The following SMARCA2 variants were observed in gnomAD, a reference collection of about 807,000 sequenced individuals.
SMARCA2 encodes the protein SWI/SNF related BAF chromatin remodeling complex subunit ATPase 2.
A neutral mutation model predicts 199.8 loss-of-function variants in SMARCA2; 61 were observed. The ratio of observed to expected loss-of-function variants is 0.31; its 90% CI spans 0.25 to 0.38. The LOEUF is 0.38. Among genes scored for constraint, SMARCA2 ranks in the 10% least tolerant of loss-of-function variants. The probability of loss-of-function intolerance (pLI) is 1.00; values close to 1 mark genes in which losing one functional copy is unlikely to be tolerated. For missense variants in SMARCA2, 1,344 were observed against 2,012.2 expected, an observed-to-expected ratio of 0.67 and a Z score of 6.35; for synonymous variants, 935 against 732.0, an observed-to-expected ratio of 1.28 and a Z score of -4.48.
At chr9:2,185,928 G>A (rs1312778080) in intron 31 of SMARCA2, among the ~76,000 whole-genome samples, 168 bp from the exon 32 acceptor site, 1 of 152,166 alleles carries the variant, frequency 6.6e-6, no homozygotes, top group Non-Finnish European at 1.5e-5. Flanking sequence ...GTGTATGTCT[G>A]TATTTGGGCT....
intron 19 of SMARCA2, among the ~76,000 whole-genome samples, chr9:2,090,932 A>G (rs1409120495): frequency 1.3e-5 from 2 of 151,994 alleles, no homozygotes; most frequent in East Asian, 1.9e-4. Flanking sequence ...TTCTACCACC[A>G]CTGCTTACAG....
At chr9:2,095,763 A>G (rs1031147055) in intron 19 of SMARCA2, among the ~76,000 whole-genome samples, 1 of 152,252 alleles carries the variant, frequency 6.6e-6, no homozygotes, top group African/African-American at 2.4e-5. Flanking sequence ...ATCATTTTAC[A>G]TCAGTTTATT....
At chr9:2,188,199 C>T (rs4741649) in intron 32 of SMARCA2, among the ~76,000 whole-genome samples, 106,361 of 151,910 alleles carry the variant, frequency 0.7, 37,788 homozygotes, top group African/African-American at 0.81. Context: ...ATGTATAATA[C>T]ATATTAACAT....
intron 21 of SMARCA2, among the ~76,000 whole-genome samples, chr9:2,099,555 G>T (rs1017649105): frequency 1.3e-5 from 2 of 152,114 alleles, no homozygotes; most frequent in African/African-American, 4.8e-5. Flanking sequence ...CGAAGTTGAA[G>T]GTGCATGCCC....
chr9:2,106,617 CAATTATTAA>C (rs1384494274), intron 23 of SMARCA2, among the ~76,000 whole-genome samples: 2 of 152,262 alleles, frequency 1.3e-5, no homozygotes, highest in East Asian at 1.9e-4. Context: ...TCCCACCACC[CAATTATTAA>C]AATGACTTCA....
In SMARCA2 at chr9:2,186,474, C is replaced by T. The variant is rs534764855; in HGVS notation, c.4594+246C>T. 4.6e-5 allele frequency among the ~76,000 whole-genome samples: 7 copies of T among 152,212 alleles called. No individual in the cohort carries two copies. The South Asian group carries it at 1.2e-3, about 27-fold the overall frequency. On this transcript the variant is annotated intron_variant, in intron 32 of 33. Coordinates refer to ENST00000349721, the MANE Select transcript of SMARCA2 (RefSeq NM_003070.5). ...TGTAAAATGTTTAGCATAGGCTGGGCTCCTAGCAAACACTGTTTTATTTCT... is the reference window on the plus strand; with the variant it reads ...TGTAAAATGTTTAGCATAGGCTGGGTTCCTAGCAAACACTGTTTTATTTCT...
intron 23 of SMARCA2, among the ~76,000 whole-genome samples, chr9:2,109,334 T>G (rs147232450): frequency 4.0e-5 from 6 of 151,742 alleles, no homozygotes; most frequent in African/African-American, 1.4e-4. Flanking sequence ...ATACTGGTGT[T>G]TTTTTTTTCT....
At chr9:2,124,484 G>T (rs150163982) in intron 27 of SMARCA2, among the ~76,000 whole-genome samples, 1 of 152,278 alleles carries the variant, frequency 6.6e-6, no homozygotes, top group African/African-American at 2.4e-5. Context: ...GTTTGATGAA[G>T]AAACTGAGGC....
At chr9:2,164,021 G>C (rs1306372199) in intron 28 of SMARCA2, among the ~76,000 whole-genome samples, 2 of 152,082 alleles carry the variant, frequency 1.3e-5, no homozygotes, top group Non-Finnish European at 2.9e-5. Context: ...CTCTCCCTAA[G>C]GTAACAATCA....
At chr9:2,034,348 C>G (rs78621972) in intron 3 of SMARCA2, among the ~76,000 whole-genome samples, 20,632 of 151,738 alleles carry the variant, frequency 0.14, 1,533 homozygotes, top group Admixed American at 0.2. Flanking sequence ...CAATTCAACT[C>G]ACAACAATGG....
chr9:2,081,879 C>T lies in SMARCA2; in HGVS notation c.2232C>T (p.Asn744=), dbSNP rs149169822. 68 of 1,613,962 alleles carry T rather than the reference C, an allele frequency of 4.2e-5. No individual in the cohort carries two copies. The South Asian group carries it at 4.8e-4, about 11-fold the overall frequency. ...WMVSLYNNNL[N]GILADEMGLG... ...TTTCCCTGTATAATAACAACTTGAA[C>T]GGAATCTTAGCCGATGAAATGGGGC... Residue 744 remains asparagine, a synonymous_variant, in exon 15 of 34, where the codon AAC becomes AAT. Transcript: ENST00000349721.
At chr9:2,166,902 C>T (rs780824815) in intron 28 of SMARCA2, among the ~76,000 whole-genome samples, 11 of 152,150 alleles carry the variant, frequency 7.2e-5, no homozygotes, top group Non-Finnish European at 1.5e-4. Context: ...CCCTAGAAAC[C>T]CTGCCGAAAA....
At chr9:2,077,177 TGTTGG>T (rs1821364137) in intron 13 of SMARCA2, among the ~76,000 whole-genome samples, 1 of 152,108 alleles carries the variant, frequency 6.6e-6, no homozygotes, top group Non-Finnish European at 1.5e-5. Context: ...ACCCCTTTAA[TGTTGG>T]GTTGCCCTCT....
intron 27 of SMARCA2, chr9:2,157,847 G>C (rs1296314312): frequency 7.5e-6 from 3 of 398,368 alleles, no homozygotes; most frequent in African/African-American, 2.1e-5. Context: ...AGGCGCCTGA[G>C]GCTGACTTTC....
chr9:2,044,589 C>G (rs1209718249), intron 4 of SMARCA2: 2 of 152,240 alleles, frequency 1.3e-5, no homozygotes, highest in East Asian at 1.9e-4. Context: ...CTCACTGAAT[C>G]TTCACCGCTG....
chr9:2,073,605 T>C lies in SMARCA2; in HGVS notation c.1917T>C (p.Asp639=), dbSNP rs967040055. The C allele has an allele frequency of 3.7e-6, 6 of 1,611,020 alleles. No individual in the cohort carries two copies. In the Admixed American group the frequency reaches 5.0e-5, roughly 13 times the overall value. ...CTAGATCTGACAGTGAAGAGAGTGA[T>C]TCTGATTATGAGGAAGAGGTATGTA... ...VAPRSDSEES[D]SDYEEEDEEE... Residue 639 remains aspartate (D), a synonymous_variant, in exon 12 of 34, where the codon GAT becomes GAC. Transcript: ENST00000349721.
chr9:2,064,118 A>G (rs541240151), intron 9 of SMARCA2, among the ~76,000 whole-genome samples: 1 of 152,370 alleles, frequency 6.6e-6, no homozygotes, highest in African/African-American at 2.4e-5. Context: ...GGTTTCCTAC[A>G]GGGTACAAAA....
intron 14 of SMARCA2, among the ~76,000 whole-genome samples, chr9:2,077,991 T>C (rs566176616): frequency 2.0e-5 from 3 of 152,288 alleles, no homozygotes; most frequent in African/African-American, 7.2e-5. Flanking sequence ...ATTTTCTCTT[T>C]TATGCTTTTG....
At chr9:2,099,388 A>G (rs1258686033) in intron 21 of SMARCA2, among the ~76,000 whole-genome samples, 1 of 152,168 alleles carries the variant, frequency 6.6e-6, no homozygotes, top group Non-Finnish European at 1.5e-5. Flanking sequence ...TTGAAGATTA[A>G]GCATCAATCT....
Sources: allele counts gnomAD v4.1 joint callset (sites outside exome capture counted in the v4.1 genomes callset), GRCh38; gene constraint gnomAD v4.1.1; transcripts MANE v1.5; gene names NCBI Gene and HGNC (gene_info 2026-07-23, HGNC 2026-07-21).